The following SHISA9 variants were observed in gnomAD, a reference collection of about 807,000 sequenced individuals.
SHISA9 encodes the protein shisa family member 9, also known as protein shisa-9.
SHISA9 carries 13 observed loss-of-function variants against 38.0 expected under a neutral mutation model. The ratio of observed to expected loss-of-function variants is 0.34; its 90% confidence interval spans 0.22 to 0.54. SHISA9 has a LOEUF of 0.54. Ranked by LOEUF, SHISA9 falls within the 20% of genes least tolerant of loss-of-function variation. The pLI is 0.91. For missense variants in SHISA9, 538 were observed against 575.8 expected (o/e 0.93, Z 0.67); for synonymous variants, 275 against 242.0 (o/e 1.14, Z -1.27).
the SHISA9 span, among the ~76,000 whole-genome samples, chr16:13,435,076 C>G: frequency 6.6e-6 from 1 of 152,328 alleles, no homozygotes; most frequent in Non-Finnish European, 1.5e-5. Flanking sequence ...AACATACTTT[C>G]CTCTCTATTT....
intron 4 of SHISA9, among the ~76,000 whole-genome samples, chr16:13,215,620 G>A (rs1303820737): frequency 6.6e-6 from 1 of 152,094 alleles, no homozygotes; most frequent in Non-Finnish European, 1.5e-5. Flanking sequence ...GTTGTCAGAT[G>A]CATTTAGAAC....
At chr16:13,420,175 C>T in the SHISA9 span, among the ~76,000 whole-genome samples, 13 of 117,936 alleles carry the variant, frequency 1.1e-4, no homozygotes, top group South Asian at 8.8e-4. Flanking sequence ...GAATCTGGAG[C>T]GGGGAGGTTG....
chr16:13,105,446 C>T (rs989095774), intron 2 of SHISA9, among the ~76,000 whole-genome samples: 1 of 152,186 alleles, frequency 6.6e-6, no homozygotes, highest in Non-Finnish European at 1.5e-5. Flanking sequence ...TCTTCCCGGG[C>T]TCCTGGGCTT....
chr16:12,953,116 A>G (rs1255836753), intron 2 of SHISA9, among the ~76,000 whole-genome samples: 3 of 151,938 alleles, frequency 2.0e-5, no homozygotes, highest in Admixed American at 6.6e-5. Context: ...TCTCTTTTAG[A>G]TAGAGTGGTC....
chr16:13,539,756 C>T, the SHISA9 span, among the ~76,000 whole-genome samples: 1 of 152,160 alleles, frequency 6.6e-6, no homozygotes, highest in Non-Finnish European at 1.5e-5. Context: ...CTCCCACCTT[C>T]CACCCTCAAG....
At chr16:13,195,840 C>T (rs2050933158) in intron 2 of SHISA9, among the ~76,000 whole-genome samples, 2 of 152,008 alleles carry the variant, frequency 1.3e-5, no homozygotes, top group South Asian at 2.1e-4. Flanking sequence ...GTAATCTCAA[C>T]ACTTTAGGAG....
the SHISA9 span, among the ~76,000 whole-genome samples, chr16:13,259,529 C>T: frequency 2.0e-5 from 3 of 152,360 alleles, no homozygotes; most frequent in Admixed American, 2.0e-4. Flanking sequence ...ACTGCCCTAG[C>T]AGAGGTTCTC....
chr16:12,960,313 G>C (rs147077781), intron 2 of SHISA9, among the ~76,000 whole-genome samples: 126 of 152,130 alleles, frequency 8.3e-4, no homozygotes, highest in African/African-American at 2.9e-3. Flanking sequence ...TAAGTTCCAG[G>C]GTACATGTGC....
intron 2 of SHISA9, among the ~76,000 whole-genome samples, chr16:13,052,839 G>A (rs780280913): frequency 2.6e-5 from 4 of 152,112 alleles, no homozygotes; most frequent in East Asian, 1.9e-4. Context: ...TTTCACTATG[G>A]GTGTGGTTAT....
At chr16:13,298,169 G>A in the SHISA9 span, among the ~76,000 whole-genome samples, 1 of 152,106 alleles carries the variant, frequency 6.6e-6, no homozygotes, top group Non-Finnish European at 1.5e-5. Context: ...TTCAAATACA[G>A]AGATGCTCCC....
chr16:12,971,661 C>A (rs752044318), intron 2 of SHISA9, among the ~76,000 whole-genome samples: 1 of 152,134 alleles, frequency 6.6e-6, no homozygotes, highest in East Asian at 1.9e-4. Context: ...GCTGTAGGAA[C>A]GACATATCGT....
At chr16:13,373,049 A>C in the SHISA9 span, among the ~76,000 whole-genome samples, 1 of 152,104 alleles carries the variant, frequency 6.6e-6, no homozygotes, top group African/African-American at 2.4e-5. Flanking sequence ...TAGCACCCTC[A>C]CTGAAAGCAC....
chr16:13,082,076 T>TACAACA (rs948245221), intron 2 of SHISA9, among the ~76,000 whole-genome samples: 1 of 152,226 alleles, frequency 6.6e-6, no homozygotes, highest in East Asian at 1.9e-4. Flanking sequence ...CAACAACGAC[T>TACAACA]ACAACAACAA....
At chr16:13,520,511 G>A in the SHISA9 span, among the ~76,000 whole-genome samples, 9 of 148,940 alleles carry the variant, frequency 6.0e-5, no homozygotes, top group African/African-American at 2.2e-4. Flanking sequence ...GCTGAGGTGG[G>A]AGAATCACTT....
At chr16:13,464,889 C>G in the SHISA9 span, among the ~76,000 whole-genome samples, 118 of 150,876 alleles carry the variant, frequency 7.8e-4, no homozygotes, top group African/African-American at 2.6e-3. Context: ...AATCCTACAT[C>G]TAGATAGACT....
At chr16:13,108,668 G>GA (rs1328643084) in intron 2 of SHISA9, among the ~76,000 whole-genome samples, 1 of 152,100 alleles carries the variant, frequency 6.6e-6, no homozygotes, top group Admixed American at 6.5e-5. Flanking sequence ...ATACTAGAGG[G>GA]AAAAAAATCA....
intron 2 of SHISA9, among the ~76,000 whole-genome samples, chr16:12,970,405 A>ATATATATATACATATATG (rs1567357067): frequency 0.02 from 156 of 7,726 alleles, 8 homozygotes; most frequent in Non-Finnish European, 0.031. Context: ...ATATATATAC[A>ATATATATATACATATATG]TATATATATA....
chr16:13,453,133 C>G, the SHISA9 span, among the ~76,000 whole-genome samples: 3 of 152,188 alleles, frequency 2.0e-5, no homozygotes, highest in Non-Finnish European at 4.4e-5. Context: ...TGTGATCTGC[C>G]TGCCTCAGCC....
intron 2 of SHISA9, among the ~76,000 whole-genome samples, chr16:13,134,453 G>A (rs553465336): frequency 1.3e-5 from 2 of 152,238 alleles, no homozygotes; most frequent in Admixed American, 6.5e-5. Context: ...ATGGGGGAGA[G>A]AGGAGGGGTT....
Sources: allele counts gnomAD v4.1 joint callset (sites outside exome capture counted in the v4.1 genomes callset), GRCh38; gene constraint gnomAD v4.1.1; transcripts MANE v1.5; gene names NCBI Gene and HGNC (gene_info 2026-07-23, HGNC 2026-07-21).